The following SPACA6 variants were observed in gnomAD, a reference collection of about 807,000 sequenced individuals.
The protein encoded by SPACA6 is sperm acrosome associated 6, also known as sperm acrosome membrane-associated protein 6.
For missense variants in SPACA6, 8 were observed against 2.8 expected, an observed-to-expected ratio of 2.88 and a Z score of -1.34; for synonymous variants, 6 against 1.5, an observed-to-expected ratio of 4.05 and a Z score of -2.21.
upstream of SPACA6, chr19:51,692,563 C>G (rs775267869): frequency 5.9e-6 from 3 of 505,422 alleles, no homozygotes; most frequent in Admixed American, 7.0e-5. This position sits in a 1 kb window ranked among gnomAD's most constrained non-coding sequence, Gnocchi z 5.6. Context: ...GGCCTGGACT[C>G]CTGGGTTCCT....
intron 2 of SPACA6, among the ~76,000 whole-genome samples, chr19:51,697,403 C>T (rs766096356): frequency 6.6e-6 from 1 of 152,130 alleles, no homozygotes; most frequent in Admixed American, 6.5e-5. Context: ...AGGATTTGAC[C>T]GTGTGCCAGG....
chr19:51,704,662 C>T (rs910475643), intron 8 of SPACA6, 182 bp downstream of exon 8: 1 of 398,586 alleles, frequency 2.5e-6, no homozygotes, highest in African/African-American at 2.1e-5. Flanking sequence ...AGTCCCCAGC[C>T]CCCTCCTCCC....
upstream of SPACA6, chr19:51,693,270 C>A: frequency 1.4e-6 from 1 of 728,450 alleles, no homozygotes. Flanking sequence ...TCTCTAGGTC[C>A]CTGAGACCCT....
chr19:51,712,584 T>C (rs1304475478), downstream of SPACA6, among the ~76,000 whole-genome samples: 1 of 152,056 alleles, frequency 6.6e-6, no homozygotes, highest in African/African-American at 2.4e-5. Flanking sequence ...AAAGAGGACA[T>C]AGGGTCTGGT....
At chr19:51,697,351 C>T (rs2083437600) in intron 2 of SPACA6, among the ~76,000 whole-genome samples, 2 of 152,090 alleles carry the variant, frequency 1.3e-5, no homozygotes, top group Admixed American at 6.5e-5. Context: ...TCACAGTGGT[C>T]CGGGGGCCCA....
chr19:51,703,898 G>C lies in SPACA6; in HGVS notation c.574-132G>C, dbSNP rs115378814. The stretch of plus-strand genomic sequence containing the variant: ...AGGGGTGCGTTTAGGGCAGGGGAGC[G>C]AGAAGGCTCGGGGGCGGGCTCAAGG... On this transcript the variant is annotated intron_variant, in intron 6 of 8. Coordinates refer to ENST00000637797, the MANE Select transcript of SPACA6 (RefSeq NM_001316972.2). This position sits in a 1 kb window ranked among gnomAD's most constrained non-coding sequence, Gnocchi z 4.2. 23,533 of 397,088 alleles carry C rather than the reference G, an allele frequency of 0.059. 900 individuals are homozygous for C. Among genetic ancestry groups the C allele is most frequent in the South Asian group, 0.1 (727 of 7,022 alleles). The allele number at this position is 397,088 out of a possible 1,614,324, so 24.6% of individuals were successfully genotyped here. A position where few individuals can be genotyped will look rare whatever the true frequency, so the allele number is the denominator to read the frequency against.
At chr19:51,693,009 A>G, upstream of SPACA6, 1 of 367,942 alleles carries the variant, frequency 2.7e-6, no homozygotes, top group Non-Finnish European at 5.5e-6. Flanking sequence ...TTCCCCTGAA[A>G]TCTGTTTTCC....
At chr19:51,698,198 T>TAC (rs1424483147) in intron 2 of SPACA6, among the ~76,000 whole-genome samples, 1 of 152,146 alleles carries the variant, frequency 6.6e-6, no homozygotes, top group African/African-American at 2.4e-5. Flanking sequence ...TTGTGATTGA[T>TAC]ACTCAGATCT....
chr19:51,684,444 G>C (rs1472576065), upstream of SPACA6, among the ~76,000 whole-genome samples: 1 of 152,108 alleles, frequency 6.6e-6, no homozygotes, highest in Non-Finnish European at 1.5e-5. Context: ...CATGCCCTTT[G>C]TTCAGAAAAT....
chr19:51,699,961 T>C (rs1247632680), intron 2 of SPACA6, among the ~76,000 whole-genome samples: 2 of 151,980 alleles, frequency 1.3e-5, no homozygotes, highest in Admixed American at 1.3e-4. Flanking sequence ...ATTGCAGTGG[T>C]CAAAACACAA....
intron 3 of SPACA6, among the ~76,000 whole-genome samples, chr19:51,702,353 C>T (rs898911951): frequency 6.6e-6 from 1 of 151,666 alleles, no homozygotes; most frequent in Non-Finnish European, 1.5e-5. Flanking sequence ...GATTGCCCAT[C>T]CCCATCAGGG....
upstream of SPACA6, among the ~76,000 whole-genome samples, chr19:51,684,148 G>A (rs963455425): frequency 1.3e-5 from 2 of 152,076 alleles, no homozygotes; most frequent in African/African-American, 4.8e-5. Context: ...GGAGAAGGAG[G>A]GGCATCAGTG....
upstream of SPACA6, chr19:51,692,513 G>A (rs8112073): frequency 3.8e-3 from 1,667 of 434,878 alleles, 18 homozygotes; most frequent in African/African-American, 0.031. This position sits in a 1 kb window ranked among gnomAD's most constrained non-coding sequence, Gnocchi z 5.6. Flanking sequence ...AGGGGGATGA[G>A]AGCCTTGACT....
chr19:51,692,203 C>T (rs1429935723), upstream of SPACA6, among the ~76,000 whole-genome samples: 4 of 152,094 alleles, frequency 2.6e-5, no homozygotes, highest in African/African-American at 4.8e-5. The surrounding 1 kb of genome is among the most constrained non-coding windows in gnomAD (Gnocchi z 5.6). Context: ...AGCAGGTGTG[C>T]CCAAAGGGCC....
intron 2 of SPACA6, among the ~76,000 whole-genome samples, chr19:51,699,111 A>G (rs2083449965): frequency 6.6e-6 from 1 of 152,160 alleles, no homozygotes; most frequent in South Asian, 2.1e-4. Context: ...CCTGGGCTCA[A>G]CCATCCTCCC....
upstream of SPACA6, chr19:51,687,986 G>C (rs1312273332): frequency 6.6e-6 from 1 of 152,640 alleles, no homozygotes; most frequent in East Asian, 1.9e-4. Flanking sequence ...CTGCAGGGAG[G>C]GGGCCTCCTC....
intron 2 of SPACA6, among the ~76,000 whole-genome samples, chr19:51,694,923 G>A (rs1276767684): frequency 6.6e-6 from 1 of 152,160 alleles, no homozygotes; most frequent in South Asian, 2.1e-4. Context: ...TGTAAAGTGG[G>A]ACAATCTTCT....
chr19:51,691,270 A>C (rs2083369835), upstream of SPACA6, among the ~76,000 whole-genome samples: 1 of 150,574 alleles, frequency 6.6e-6, no homozygotes, highest in Non-Finnish European at 1.5e-5. Flanking sequence ...GAGACCTAAG[A>C]GGGAGGGAAG....
intron 2 of SPACA6, among the ~76,000 whole-genome samples, chr19:51,695,309 C>G (rs773554922): frequency 2.0e-5 from 3 of 152,190 alleles, no homozygotes; most frequent in Non-Finnish European, 4.4e-5. Flanking sequence ...GGGCGGTAAT[C>G]ATGCCTGATC....
Sources: allele counts gnomAD v4.1 joint callset (sites outside exome capture counted in the v4.1 genomes callset), GRCh38; gene constraint gnomAD v4.1.1; non-coding constraint Gnocchi (gnomAD v3.1); transcripts MANE v1.5; gene names NCBI Gene and HGNC (gene_info 2026-07-23, HGNC 2026-07-21).